The following TMPRSS9 variants were observed in gnomAD, a reference collection of about 807,000 sequenced individuals.
The protein encoded by TMPRSS9 is transmembrane serine protease 9.
Under a neutral mutation model 111.4 loss-of-function variants are expected in TMPRSS9, and 113 were observed. The ratio of observed to expected loss-of-function variants is 1.01; its 90% CI spans 0.87 to 1.19. The LOEUF (loss-of-function observed/expected upper bound fraction) is 1.19, where lower values mean the gene tolerates loss of function less well. Among genes scored for constraint, TMPRSS9 ranks in the 50% most tolerant of loss-of-function variants. The pLI, the probability that TMPRSS9 is intolerant of heterozygous loss-of-function variation, is 0.00. For synonymous variants in TMPRSS9, 805 were observed against 659.1 expected (o/e 1.22, Z -3.39); for missense variants, 1,803 against 1,513.1 (o/e 1.19, Z -3.18).
upstream of TMPRSS9, among the ~76,000 whole-genome samples, chr19:2,386,109 G>C (rs772036390): frequency 1.3e-5 from 2 of 152,004 alleles, no homozygotes; most frequent in Non-Finnish European, 2.9e-5. Flanking sequence ...ACCATGCCCA[G>C]CTAATTTAAT....
chr19:2,417,231 C>G (rs532089236), intron 12 of TMPRSS9, among the ~76,000 whole-genome samples: 2 of 152,132 alleles, frequency 1.3e-5, no homozygotes, highest in Admixed American at 1.3e-4. Context: ...TTTGGGAGGC[C>G]CAGGAGGGTG....
At chr19:2,422,147 C>T (rs141542159) in exon 14 of TMPRSS9, 2 of 1,588,906 alleles carry the variant, frequency 1.3e-6, no homozygotes, top group Non-Finnish European at 1.7e-6. Context: ...GGGTGACGGG[C>T]CAACCTGCCA....
chr19:2,395,280 TGTG>T (rs1195222516), intron 1 of TMPRSS9, among the ~76,000 whole-genome samples: 7 of 151,504 alleles, frequency 4.6e-5, no homozygotes, highest in African/African-American at 1.7e-4. Context: ...ACTAGCCAGG[TGTG>T]GTGGTCCACG....
intron 13 of TMPRSS9, among the ~76,000 whole-genome samples, chr19:2,418,387 TTCCCTCCCTGGCCTTTCCTTCCA>T (rs1971331872): frequency 3.5e-5 from 1 of 28,674 alleles, no homozygotes; most frequent in African/African-American, 1.6e-4. Flanking sequence ...CTCCCTTTCC[TTCCCTCCCTGGCCTTTCCTTCCA>T]TTCCTTCCCT....
At chr19:2,418,348 T>C (rs1267516217) in intron 13 of TMPRSS9, among the ~76,000 whole-genome samples, 1 of 26,340 alleles carries the variant, frequency 3.8e-5, no homozygotes, top group African/African-American at 3.3e-4. Flanking sequence ...TCCCTCCCTT[T>C]CCCTCCCTCC....
At chr19:2,416,132 A>C in intron 11 of TMPRSS9, 3 of 430,948 alleles carry the variant, frequency 7.0e-6, no homozygotes, top group Non-Finnish European at 1.2e-5. Flanking sequence ...CCAGCTACTC[A>C]GGAGCGTGAG....
chr19:2,374,198 G>T (rs1003498602), intron 1 of TMPRSS9, among the ~76,000 whole-genome samples: 2 of 147,768 alleles, frequency 1.4e-5, no homozygotes, highest in African/African-American at 4.9e-5. Flanking sequence ...ACAAGGAGAG[G>T]CTCAAAGTCC....
chr19:2,401,949 C>T (rs749531083), intron 4 of TMPRSS9, 26 bp from the exon 6 acceptor site: 5 of 1,601,400 alleles, frequency 3.1e-6, no homozygotes, highest in African/African-American at 2.7e-5. Flanking sequence ...ATTCAGTGAG[C>T]TTCTATCTTC....
chr19:2,405,419 G>A (rs1170767156), exon 7 of TMPRSS9: 18 of 1,607,352 alleles, frequency 1.1e-5, no homozygotes, highest in Non-Finnish European at 1.5e-5. Flanking sequence ...AGGATCGTGG[G>A]CGGCATGGAA....
Position 2,425,340 on chromosome 19 carries a change from C to A in TMPRSS9, c.2984-17C>A. The A allele has an allele frequency of 6.9e-7, 1 of 1,457,234 alleles. No homozygotes were observed. Among genetic ancestry groups the A allele is most frequent in the Non-Finnish European group, 9.0e-7 (1 of 1,107,890 alleles). 90.3% of individuals were successfully genotyped at this position (1,457,234 alleles called of 1,614,324 possible). Reference sequence around the variant, plus strand: ...GACGCGGTCCCCACCCGCCCCGTCTCGCTCGCCCGCCCGCAGGCTCCATGG... The same window carrying A: ...GACGCGGTCCCCACCCGCCCCGTCTAGCTCGCCCGCCCGCAGGCTCCATGG... On this transcript the variant is annotated splice_polypyrimidine_tract_variant and intron_variant, in intron 16 of 17. Coordinates refer to ENST00000648592, the Ensembl canonical transcript of TMPRSS9.
chr19:2,396,581 AGCT>A (rs1439230185), exon 2 of TMPRSS9: 19 of 1,611,378 alleles, frequency 1.2e-5, no homozygotes, highest in Non-Finnish European at 1.6e-5. Context: ...CACACGGCCG[AGCT>A]GCGGGGAATC....
At chr19:2,401,164 C>T (rs1488569958) in intron 4 of TMPRSS9, among the ~76,000 whole-genome samples, 3 of 152,042 alleles carry the variant, frequency 2.0e-5, no homozygotes, top group Non-Finnish European at 2.9e-5. Flanking sequence ...GTCCCAGCTG[C>T]TTGGGACGCT....
At chr19:2,368,348 A>G (rs916246193) in intron 1 of TMPRSS9, among the ~76,000 whole-genome samples, 9 of 151,102 alleles carry the variant, frequency 6.0e-5, no homozygotes, top group Non-Finnish European at 1.0e-4. Flanking sequence ...AAAGCAGAGA[A>G]TGTGAAGGGC....
exon 4 of TMPRSS9, chr19:2,399,057 C>A: frequency 6.2e-7 from 1 of 1,613,390 alleles, no homozygotes. Context: ...TCCAGCTGCA[C>A]TTTCTGCTGC....
At chr19:2,376,041 G>T (rs185807269) in intron 1 of TMPRSS9, among the ~76,000 whole-genome samples, 1 of 152,162 alleles carries the variant, frequency 6.6e-6, no homozygotes, top group East Asian at 1.9e-4. Context: ...CAGGGAGCGT[G>T]TGTTGGCTTC....
upstream of TMPRSS9, among the ~76,000 whole-genome samples, chr19:2,385,171 G>A (rs1322043056): frequency 7.2e-6 from 1 of 139,582 alleles, no homozygotes; most frequent in Non-Finnish European, 1.5e-5. Context: ...GGCGGGGCTC[G>A]CGGGGGGCGG....
intron 6 of TMPRSS9, among the ~76,000 whole-genome samples, chr19:2,404,631 C>T (rs1323307287): frequency 1.3e-5 from 2 of 151,054 alleles, no homozygotes; most frequent in African/African-American, 2.4e-5. Context: ...TCAGTAGTGA[C>T]AAAAAATATC....
At chr19:2,409,594 G>A (rs966760599) in intron 8 of TMPRSS9, among the ~76,000 whole-genome samples, 1 of 152,080 alleles carries the variant, frequency 6.6e-6, no homozygotes, top group Non-Finnish European at 1.5e-5. Flanking sequence ...AAATAAGGTG[G>A]GGGTGGCAGC....
intron 1 of TMPRSS9, among the ~76,000 whole-genome samples, chr19:2,379,651 T>TTCTTTC (rs1400378033): frequency 6.7e-6 from 1 of 149,548 alleles, no homozygotes; most frequent in African/African-American, 2.5e-5. Context: ...CTTTCTTTCT[T>TTCTTTC]TCTTTCTTTC....
Sources: gnomAD v4.1 joint callset for allele counts (sites outside exome capture counted in the v4.1 genomes callset) on GRCh38, gnomAD v4.1.1 for gene constraint, MANE v1.5 for transcripts, NCBI Gene and HGNC (gene_info 2026-07-23, HGNC 2026-07-21) for gene names.